The following IKZF2 variants were observed in gnomAD, a reference collection of about 807,000 sequenced individuals.
The protein encoded by IKZF2 is zinc finger protein Helios.
In IKZF2, 15 loss-of-function variants were observed where a neutral mutation model predicts 49.2. The observed-to-expected ratio is 0.30, with a 90% CI of 0.20 to 0.47. IKZF2 has a LOEUF of 0.47. Ranked by LOEUF, IKZF2 falls within the 20% of genes least tolerant of loss-of-function variation. IKZF2 has a pLI of 1.00. For synonymous variants in IKZF2, 227 were observed against 221.4 expected (o/e 1.03, Z -0.23); for missense variants, 567 against 664.6 (o/e 0.85, Z 1.61).
At chr2:213,111,891 A>C (rs2059715582) in intron 4 of IKZF2, among the ~76,000 whole-genome samples, 1 of 152,296 alleles carries the variant, frequency 6.6e-6, no homozygotes, top group Admixed American at 6.5e-5. Context: ...CACTGCTGAA[A>C]TAAATTTCTT....
chr2:213,077,528 T>A (rs1189420324), intron 4 of IKZF2, among the ~76,000 whole-genome samples: 1 of 148,664 alleles, frequency 6.7e-6, no homozygotes, highest in Non-Finnish European at 1.5e-5. Context: ...ATTTGTTTTT[T>A]AAATTTTTTT....
chr2:213,150,152 T>C lies in IKZF2; in HGVS notation c.-24A>G, dbSNP rs1199095705. ...AAACGAAATGTACATACAAAAGAAATTGTCCTTTGATTAAAAAAGATTCAT... is the reference window on the plus strand; with the variant it reads ...AAACGAAATGTACATACAAAAGAAACTGTCCTTTGATTAAAAAAGATTCAT... On this transcript the variant is annotated 5_prime_UTR_variant, in exon 2 of 9. Transcript: ENST00000434687. 7.7e-7 allele frequency: 1 copy of C among 1,300,964 alleles called. No homozygotes were observed. Among genetic ancestry groups the C allele is most frequent in the Non-Finnish European group, 1.0e-6 (1 of 985,918 alleles). 80.6% of individuals were successfully genotyped at this position (1,300,964 alleles called of 1,614,324 possible).
At chr2:213,096,217 C>G (rs1705976344) in intron 4 of IKZF2, among the ~76,000 whole-genome samples, 1 of 151,970 alleles carries the variant, frequency 6.6e-6, no homozygotes, top group African/African-American at 2.4e-5. Context: ...GAAATATTGA[C>G]TCTAAAGATG....
intron 4 of IKZF2, among the ~76,000 whole-genome samples, chr2:213,135,120 C>A (rs1287461550): frequency 6.6e-6 from 1 of 152,024 alleles, no homozygotes; most frequent in African/African-American, 2.4e-5. Context: ...TAGCAACATT[C>A]GAGGGAATTT....
chr2:213,015,621 C>A (rs1019671483), intron 7 of IKZF2, among the ~76,000 whole-genome samples: 2 of 151,822 alleles, frequency 1.3e-5, no homozygotes, highest in African/African-American at 4.8e-5. Flanking sequence ...TAATGAGATA[C>A]AAATTGTGGT....
At chr2:213,150,754 A>T (rs1342417405) in intron 1 of IKZF2, among the ~76,000 whole-genome samples, 1 of 151,312 alleles carries the variant, frequency 6.6e-6, no homozygotes, top group East Asian at 1.9e-4. Context: ...CCCAGCTAGG[A>T]ACCCAGGCCA....
chr2:213,148,712 T>A, intron 2 of IKZF2, 68 bp from the exon 3 acceptor site: 1 of 1,346,038 alleles, frequency 7.4e-7, no homozygotes, highest in Admixed American at 1.7e-5. Flanking sequence ...AATTCTTAAC[T>A]TATTTGAAGC....
At chr2:213,039,194 G>A (rs534015769) in intron 6 of IKZF2, among the ~76,000 whole-genome samples, 6 of 152,054 alleles carry the variant, frequency 3.9e-5, no homozygotes, top group East Asian at 3.9e-4. Context: ...CTCATAATAG[G>A]TGAAGGCATA....
intron 6 of IKZF2, among the ~76,000 whole-genome samples, chr2:213,043,447 T>C (rs557215753): frequency 2.1e-4 from 32 of 152,274 alleles, no homozygotes; most frequent in African/African-American, 7.7e-4. Flanking sequence ...TGGACAGTTA[T>C]TACCTGGAGG....
intron 6 of IKZF2, among the ~76,000 whole-genome samples, chr2:213,040,218 T>C (rs1699482883): frequency 6.7e-6 from 1 of 150,094 alleles, no homozygotes; most frequent in Non-Finnish European, 1.5e-5. Context: ...TGCAGGTTTG[T>C]TATATAGGTA....
At chr2:213,098,674 A>G (rs191638239) in intron 4 of IKZF2, among the ~76,000 whole-genome samples, 5 of 152,180 alleles carry the variant, frequency 3.3e-5, no homozygotes, top group African/African-American at 1.2e-4. Context: ...CAGGAAAAAA[A>G]ATATATAGGA....
intron 4 of IKZF2, among the ~76,000 whole-genome samples, chr2:213,098,401 T>C (rs1574837118): frequency 6.6e-6 from 1 of 152,088 alleles, no homozygotes; most frequent in African/African-American, 2.4e-5. Flanking sequence ...TTTAAACATA[T>C]TGAGGCACCC....
chr2:213,152,265 G>C (rs1268142714), upstream of IKZF2: 1 of 152,210 alleles, frequency 6.6e-6, no homozygotes, highest in African/African-American at 2.4e-5. Flanking sequence ...CGGAGTCCGG[G>C]AGCCGCGTCC....
rs372742783 is a variant in IKZF2, at chr2:213,130,874, C to T, written c.139+16834G>A. ...GTTAAAGAAAACAGTGAAAGAGATA[C>T]AATAAAAGATTACTTCTTAAGAAGA... On this transcript the variant is annotated intron_variant, in intron 4 of 8. Coordinates refer to ENST00000434687, the MANE Select transcript of IKZF2 (RefSeq NM_001387220.1). Among the ~76,000 whole-genome samples the T allele has an allele frequency of 6.6e-5, 10 of 152,018 alleles. No homozygotes were observed. In the East Asian group the frequency reaches 1.9e-3, roughly 29 times the overall value.
chr2:213,103,646 T>C (rs1247142274), intron 4 of IKZF2, among the ~76,000 whole-genome samples: 1 of 152,178 alleles, frequency 6.6e-6, no homozygotes. Context: ...TCACTGATCG[T>C]CAATAAATGT....
chr2:213,087,379 T>C (rs1260469464), intron 4 of IKZF2, among the ~76,000 whole-genome samples: 1 of 152,216 alleles, frequency 6.6e-6, no homozygotes, highest in Non-Finnish European at 1.5e-5. Flanking sequence ...CTGATTTTAA[T>C]ACTTTGTAGT....
chr2:213,031,825 T>A (rs777942427), intron 6 of IKZF2, among the ~76,000 whole-genome samples: 5 of 152,228 alleles, frequency 3.3e-5, no homozygotes, highest in African/African-American at 9.6e-5. Context: ...GTTAAAAATA[T>A]ATACATATCA....
At chr2:213,106,534 C>G (rs1306557911) in intron 4 of IKZF2, among the ~76,000 whole-genome samples, 1 of 151,082 alleles carries the variant, frequency 6.6e-6, no homozygotes, top group African/African-American at 2.4e-5. Context: ...AGTCCAGAGG[C>G]TGAGGTGAGA....
intron 4 of IKZF2, among the ~76,000 whole-genome samples, chr2:213,079,468 G>A (rs1222466705): frequency 8.4e-6 from 1 of 118,862 alleles, no homozygotes; most frequent in East Asian, 2.0e-4. Context: ...AGGAAGGAAA[G>A]GAGGGAGGGG....
Sources: allele counts gnomAD v4.1 joint callset (sites outside exome capture counted in the v4.1 genomes callset), GRCh38; gene constraint gnomAD v4.1.1; transcripts MANE v1.5; gene names NCBI Gene and HGNC (gene_info 2026-07-23, HGNC 2026-07-21).